Variants in CSMD2 observed in about 807,000 individuals in gnomAD.
CSMD2 encodes the protein CUB and Sushi multiple domains 2.
A neutral mutation model predicts 398.5 loss-of-function variants in CSMD2; 130 were observed. The ratio of observed to expected loss-of-function variants is 0.33; its 90% CI spans 0.28 to 0.38. CSMD2 has a LOEUF of 0.38. Among genes scored for constraint, CSMD2 ranks in the 10% least tolerant of loss-of-function variants. The probability of loss-of-function intolerance (pLI) is 1.00; values close to 1 mark genes in which losing one functional copy is unlikely to be tolerated. For synonymous variants in CSMD2, 1,828 were observed against 1,908.5 expected (o/e 0.96, Z 1.10); for missense variants, 3,829 against 4,764.9 (o/e 0.80, Z 5.78).
chr1:33,551,997 G>C (rs1274649472), intron 55 of CSMD2, among the ~76,000 whole-genome samples: 4 of 152,140 alleles, frequency 2.6e-5, no homozygotes. Flanking sequence ...AGGCCATCTC[G>C]GATCTTCTAG....
At chr1:33,672,870 A>G (rs1042978302) in intron 25 of CSMD2, among the ~76,000 whole-genome samples, 5 of 152,240 alleles carry the variant, frequency 3.3e-5, no homozygotes, top group Non-Finnish European at 7.3e-5. Flanking sequence ...GTGGACCTCC[A>G]GCAAACTCCA....
intron 13 of CSMD2, among the ~76,000 whole-genome samples, chr1:33,760,549 T>G (rs12239027): frequency 0.024 from 3,703 of 152,310 alleles, 179 homozygotes; most frequent in African/African-American, 0.086. Context: ...ATTGGGGGTT[T>G]GCATGTATTT....
At chr1:33,783,674 C>T (rs185392811) in intron 12 of CSMD2, among the ~76,000 whole-genome samples, 1 of 152,258 alleles carries the variant, frequency 6.6e-6, no homozygotes, top group Non-Finnish European at 1.5e-5. Flanking sequence ...AACAGTACAA[C>T]CGTTATCTTT....
At chr1:33,961,668 C>T (rs1645364261) in intron 3 of CSMD2, among the ~76,000 whole-genome samples, 1 of 152,084 alleles carries the variant, frequency 6.6e-6, no homozygotes, top group South Asian at 2.1e-4. Context: ...TTGGTGCTGT[C>T]CTGGCAGTAA....
chr1:34,023,800 T>G (rs1649259254), intron 3 of CSMD2, among the ~76,000 whole-genome samples: 1 of 152,168 alleles, frequency 6.6e-6, no homozygotes, highest in African/African-American at 2.4e-5. Flanking sequence ...AGGAGGAGTC[T>G]GAGAGGTGTA....
At chr1:33,891,002 T>C (rs1289588564) in intron 5 of CSMD2, among the ~76,000 whole-genome samples, 1 of 152,206 alleles carries the variant, frequency 6.6e-6, no homozygotes, top group Non-Finnish European at 1.5e-5. Context: ...AAAGACTTCA[T>C]GTCTAAAACA....
At chr1:33,664,966 T>G (rs1420629422) in intron 25 of CSMD2, among the ~76,000 whole-genome samples, 1 of 152,186 alleles carries the variant, frequency 6.6e-6, no homozygotes, top group Non-Finnish European at 1.5e-5. Context: ...CATTAGATAT[T>G]ATAATGTTGT....
intron 1 of CSMD2, among the ~76,000 whole-genome samples, chr1:34,098,783 A>T (rs976149665): frequency 4.6e-5 from 7 of 152,210 alleles, no homozygotes; most frequent in South Asian, 2.1e-4. Context: ...TGGAGCAAAG[A>T]GTTACATGGT....
At chr1:33,784,434 G>A (rs1285533087) in intron 12 of CSMD2, among the ~76,000 whole-genome samples, 1 of 152,146 alleles carries the variant, frequency 6.6e-6, no homozygotes, top group South Asian at 2.1e-4. Flanking sequence ...CATATAAAAA[G>A]TCAAAGGTGG....
chr1:33,679,558 C>T (rs1168527288), intron 25 of CSMD2, among the ~76,000 whole-genome samples: 1 of 152,116 alleles, frequency 6.6e-6, no homozygotes, highest in Non-Finnish European at 1.5e-5. Flanking sequence ...AATTTACCCC[C>T]GTGTAAAATG....
intron 6 of CSMD2, among the ~76,000 whole-genome samples, chr1:33,828,952 G>C (rs1659142147): frequency 2.0e-5 from 3 of 152,162 alleles, no homozygotes; most frequent in African/African-American, 7.2e-5. Context: ...AAGGTGATGA[G>C]AACTGAGTGA....
rs60753063 is a variant in CSMD2, at chr1:33,743,998, G to A, written c.1847-392C>T. On this transcript the variant is annotated intron_variant, in intron 13 of 70. Transcript: ENST00000373381. ...AATAGTGTCCACCAATTGTTGGCAA[G>A]GATCATTTCTGGCTGGGGGATTTTG... Among the ~76,000 whole-genome samples, 763 of 152,330 alleles carry A rather than the reference G, an allele frequency of 5.0e-3. 9 individuals carry two copies. The highest frequency in any genetic ancestry group is 0.016 in the African/African-American group (683 of 41,574).
intron 44 of CSMD2, chr1:33,600,143 G>T (rs1269343884): frequency 1.4e-6 from 1 of 714,290 alleles, no homozygotes; most frequent in East Asian, 2.7e-5. Context: ...AGTCTCAAGT[G>T]GGGAAGGGAC....
chr1:33,600,642 G>C (rs978762181), intron 44 of CSMD2: 4 of 581,138 alleles, frequency 6.9e-6, no homozygotes, highest in Admixed American at 3.1e-5. Flanking sequence ...CTCTGCCCTG[G>C]CAGTGTGGAA....
intron 3 of CSMD2, among the ~76,000 whole-genome samples, chr1:34,022,102 G>A (rs897134413): frequency 1.3e-5 from 2 of 152,108 alleles, no homozygotes; most frequent in Non-Finnish European, 2.9e-5. Context: ...TTCACATGGG[G>A]CAAGACGATC....
chr1:33,722,006 C>T (rs1219561895), intron 19 of CSMD2, among the ~76,000 whole-genome samples: 1 of 152,152 alleles, frequency 6.6e-6, no homozygotes, highest in Non-Finnish European at 1.5e-5. Flanking sequence ...GCAACCACCC[C>T]TGTAGGTCTT....
chr1:33,952,024 G>A (rs1330007801), intron 3 of CSMD2, among the ~76,000 whole-genome samples: 2 of 152,192 alleles, frequency 1.3e-5, no homozygotes, highest in Non-Finnish European at 2.9e-5. Flanking sequence ...GAGCCAAGTG[G>A]TCCAGTGTGC....
intron 15 of CSMD2, among the ~76,000 whole-genome samples, chr1:33,733,770 A>C (rs1420729472): frequency 6.6e-6 from 1 of 152,172 alleles, no homozygotes; most frequent in Non-Finnish European, 1.5e-5. Context: ...TTTGCCTTTC[A>C]CCATGAGTGT....
intron 3 of CSMD2, among the ~76,000 whole-genome samples, chr1:33,975,513 A>ACACACACACACAC (rs1553268750): frequency 1.0e-4 from 15 of 150,490 alleles, no homozygotes; most frequent in Admixed American, 2.0e-4. Context: ...ACACACACAC[A>ACACACACACACAC]AGTGCATAAA....
Sources: gnomAD v4.1 joint callset for allele counts (sites outside exome capture counted in the v4.1 genomes callset) on GRCh38, gnomAD v4.1.1 for gene constraint, MANE v1.5 for transcripts, NCBI Gene and HGNC (gene_info 2026-07-23, HGNC 2026-07-21) for gene names.